ZFHX3: variants seen among roughly 807,000 people sequenced by gnomAD.
ZFHX3 encodes zinc finger homeobox 3.
Under a neutral mutation model 279.1 loss-of-function variants are expected in ZFHX3, and 42 were observed. That is an observed-to-expected ratio of 0.15 (90% CI 0.12 to 0.19). The LOEUF is 0.19. Ranked by LOEUF, ZFHX3 falls within the 10% of genes least tolerant of loss-of-function variation. The probability of loss-of-function intolerance (pLI) is 1.00; values close to 1 mark genes in which losing one functional copy is unlikely to be tolerated. For missense variants in ZFHX3, 4,981 were observed against 4,754.0 expected (o/e 1.05, Z -1.40); for synonymous variants, 2,293 against 1,957.8 (o/e 1.17, Z -4.52).
At position 73,784,795 on chromosome 16, in the gene ZFHX3, AAATATAT is replaced by A. The variant is rs1338470508; in HGVS notation, c.-1607-104562_-1607-104556del. ...ACTATTTTTAACAAAATAAAAAAAA[AAATATAT>A]ATATATATATATATACACACACACA... On this transcript the variant is annotated intron_variant, in intron 1 of 17. Coordinates refer to the ZFHX3 transcript ENST00000641206. 2.4e-3 allele frequency among the ~76,000 whole-genome samples: 285 copies of A among 120,052 alleles called. 1 individual carries two copies. Among genetic ancestry groups the A allele is most frequent in the African/African-American group, 8.1e-3 (257 of 31,680 alleles). The allele number at this position is 120,052 out of a possible 152,430, so 78.8% of individuals were successfully genotyped here. A position where few individuals can be genotyped will look rare whatever the true frequency, so the allele number is the denominator to read the frequency against.
At chr16:73,673,533 C>A (rs1322791450) in intron 2 of ZFHX3, among the ~76,000 whole-genome samples, 2 of 151,784 alleles carry the variant, frequency 1.3e-5, no homozygotes, top group Admixed American at 6.6e-5. Flanking sequence ...AGTCTGCCAC[C>A]CGAGATAAAA....
At chr16:72,934,325 G>T (rs1253441571) in intron 3 of ZFHX3, among the ~76,000 whole-genome samples, 3 of 152,164 alleles carry the variant, frequency 2.0e-5, no homozygotes, top group African/African-American at 7.2e-5. Context: ...CTACTTGGGA[G>T]GCTGAGGCAG....
intron 1 of ZFHX3, among the ~76,000 whole-genome samples, chr16:73,714,110 G>GGAT (rs2053391414): frequency 6.6e-6 from 1 of 152,012 alleles, no homozygotes; most frequent in Middle Eastern, 3.2e-3. Flanking sequence ...TTCCTCCCTA[G>GGAT]GATGCTCAGT....
chr16:73,028,475 C>T (rs981055254), intron 1 of ZFHX3, among the ~76,000 whole-genome samples: 2 of 152,240 alleles, frequency 1.3e-5, no homozygotes, highest in East Asian at 1.9e-4. Context: ...TGCCACACAC[C>T]GGGTTTGGGG....
intron 3 of ZFHX3, among the ~76,000 whole-genome samples, chr16:73,431,499 C>G (rs2017911323): frequency 6.6e-6 from 1 of 152,126 alleles, no homozygotes. Context: ...CAAGATCACA[C>G]CACTGCATTC....
chr16:73,817,832 G>T (rs1423876580), intron 1 of ZFHX3, among the ~76,000 whole-genome samples: 1 of 152,164 alleles, frequency 6.6e-6, no homozygotes, highest in East Asian at 1.9e-4. Flanking sequence ...TGAAAGGTCT[G>T]GTGAATTTAT....
intron 2 of ZFHX3, chr16:73,554,402 T>TG (rs1212257608): frequency 6.6e-6 from 1 of 151,858 alleles, no homozygotes; most frequent in African/African-American, 2.4e-5. Context: ...TCCAAGTTAG[T>TG]GAAAAAAAAG....
At chr16:73,227,848 C>CAAA (rs398029895) in intron 5 of ZFHX3, among the ~76,000 whole-genome samples, 753 of 45,458 alleles carry the variant, frequency 0.017, 57 homozygotes, top group African/African-American at 0.049. Flanking sequence ...GATTCTGTCT[C>CAAA]AAAAAAAAAA....
chr16:73,557,089 C>T (rs188829472), intron 2 of ZFHX3, among the ~76,000 whole-genome samples: 39 of 95,142 alleles, frequency 4.1e-4, no homozygotes, highest in African/African-American at 1.4e-3. Context: ...AGCAAGACTC[C>T]GTCTCAAAAA....
intron 8 of ZFHX3, 63 bp downstream of exon 8, chr16:72,799,960 TTCTC>T (rs1160433339): frequency 5.5e-6 from 8 of 1,446,730 alleles, no homozygotes; most frequent in Admixed American, 5.0e-5. Flanking sequence ...CTGAAAACCT[TTCTC>T]CATGAACATT....
chr16:72,839,574 A>C (rs1439446974), intron 4 of ZFHX3, among the ~76,000 whole-genome samples: 5 of 152,254 alleles, frequency 3.3e-5, no homozygotes, highest in Admixed American at 6.5e-5. Flanking sequence ...GAAAGAGAGG[A>C]GGATGAGAGA....
rs142190836 is a variant in ZFHX3, at chr16:73,317,813, C to T, written c.-1194+427G>A. Among the ~76,000 whole-genome samples the T allele has an allele frequency of 3.9e-4, 59 of 152,248 alleles. 1 individual carries two copies. The highest frequency in any genetic ancestry group is 1.2e-3 in the African/African-American group (51 of 41,550). ...GAGAGGGATAATAAAGCCAGGTTCA[C>T]GCATGGAGATGAAGGGATGGCAAAT... is the stretch of plus-strand genomic sequence containing the variant. On this transcript the variant is annotated intron_variant, in intron 4 of 17. Transcript: ENST00000641206.
intron 5 of ZFHX3, among the ~76,000 whole-genome samples, chr16:73,165,838 C>A (rs186014724): frequency 6.6e-6 from 1 of 152,200 alleles, no homozygotes; most frequent in East Asian, 1.9e-4. Flanking sequence ...CAGGCAATTC[C>A]CAACAATGAC....
intron 7 of ZFHX3, among the ~76,000 whole-genome samples, chr16:73,103,158 CA>C (rs1966252246): frequency 6.6e-6 from 1 of 152,170 alleles, no homozygotes; most frequent in Admixed American, 6.5e-5. Context: ...CTCCTGACCG[CA>C]AGTGATCCAC....
In ZFHX3 at chr16:73,394,549, G is replaced by A. The variant is rs1567470639; in HGVS notation, c.-1291+61454C>T. 5.3e-5 allele frequency among the ~76,000 whole-genome samples: 8 copies of A among 152,082 alleles called. No individual in the cohort carries two copies. The South Asian group carries it at 1.2e-3, about 24-fold the overall frequency. On this transcript the variant is annotated intron_variant, in intron 3 of 17. Coordinates refer to the ZFHX3 transcript ENST00000641206. ...TAGCCACAAGTGATCCGCCTGCCTC[G>A]GCCTCCCAAAGTGCTGGGATTACAG...
chr16:73,217,032 C>T (rs574081955), intron 5 of ZFHX3, among the ~76,000 whole-genome samples: 1 of 152,276 alleles, frequency 6.6e-6, no homozygotes, highest in African/African-American at 2.4e-5. Flanking sequence ...ACTGCCATTG[C>T]CCAAATAGAG....
chr16:73,121,316 A>G (rs147488668), intron 7 of ZFHX3, among the ~76,000 whole-genome samples: 2 of 152,326 alleles, frequency 1.3e-5, no homozygotes, highest in African/African-American at 4.8e-5. Context: ...TAATTTTTAC[A>G]TTGATTGCAT....
intron 1 of ZFHX3, among the ~76,000 whole-genome samples, chr16:73,805,799 G>C (rs142862142): frequency 8.5e-5 from 13 of 152,314 alleles, no homozygotes; most frequent in African/African-American, 2.9e-4. Context: ...TGAATAAAAG[G>C]ATAGCAGAGT....
chr16:72,957,304 T>A lies in ZFHX3; in HGVS notation c.2719+123A>T, dbSNP rs1359583734. The A allele has an allele frequency of 2.5e-6, 3 of 1,199,922 alleles. No homozygotes were observed. The African/African-American group carries it at 4.6e-5, about 18-fold the overall frequency. 74.3% of individuals were successfully genotyped at this position (1,199,922 alleles called of 1,614,324 possible). On this transcript the variant is annotated intron_variant, in intron 2 of 9. Transcript: ENST00000268489. The stretch of plus-strand genomic sequence containing the variant: ...ATACTTGATTGTAAGACACTCCAGT[T>A]TACACAAAAACCACTCGAGAAGACC...
Sources: gnomAD v4.1 joint callset for allele counts (sites outside exome capture counted in the v4.1 genomes callset) on GRCh38, gnomAD v4.1.1 for gene constraint, MANE v1.5 for transcripts, NCBI Gene and HGNC (gene_info 2026-07-23, HGNC 2026-07-21) for gene names.